OGFOD3: variants seen among roughly 807,000 people sequenced by gnomAD.
OGFOD3 encodes the protein 2-oxoglutarate and iron-dependent oxygenase domain-containing protein 3.
Under a neutral mutation model 39.8 loss-of-function variants are expected in OGFOD3, and 35 were observed. The ratio of observed to expected loss-of-function variants is 0.88; its 90% CI spans 0.67 to 1.17. The LOEUF is 1.17. OGFOD3 is among the 50% of genes most tolerant of loss of function. OGFOD3 has a pLI of 0.00. For synonymous variants in OGFOD3, 200 were observed against 192.0 expected (o/e 1.04, Z -0.34); for missense variants, 438 against 454.5 (o/e 0.96, Z 0.33).
rs1003623877 is a variant in OGFOD3 at position 82,389,371 on chromosome 17, A to G, written c.*3027T>C. 13 of 152,238 alleles carry G rather than the reference A, an allele frequency of 8.5e-5. No homozygotes were observed. Among genetic ancestry groups the G allele is most frequent in the African/African-American group, 3.1e-4 (13 of 41,458 alleles). The allele number at this position is 152,238 out of a possible 1,614,324, so 9.4% of individuals were successfully genotyped here. A position where few individuals can be genotyped will look rare whatever the true frequency, so the allele number is the denominator to read the frequency against. On this transcript the variant is annotated 3_prime_UTR_variant, in exon 9 of 9. Coordinates refer to ENST00000313056, the MANE Select transcript of OGFOD3 (RefSeq NM_024648.3). The surrounding 1 kb of genome is among the most constrained non-coding windows in gnomAD (Gnocchi z 4.6). ...AATCACCCCTCGTGGCTCCTGGAAC[A>G]GCCTCACGTCGGCCACACCCGACAC...
At chr17:82,402,401 C>A (rs2052781176) in intron 7 of OGFOD3, among the ~76,000 whole-genome samples, 1 of 150,414 alleles carries the variant, frequency 6.6e-6, no homozygotes, top group Non-Finnish European at 1.5e-5. Context: ...CACAACTGCA[C>A]TCCAACCTGG....
At chr17:82,400,291 C>T (rs1368075268) in intron 7 of OGFOD3, among the ~76,000 whole-genome samples, 3 of 152,026 alleles carry the variant, frequency 2.0e-5, no homozygotes, top group African/African-American at 4.8e-5. Flanking sequence ...AGATGCCCCC[C>T]GGAGTCCCCC....
intron 2 of OGFOD3, among the ~76,000 whole-genome samples, chr17:82,412,794 C>T (rs533193602): frequency 6.6e-6 from 1 of 152,310 alleles, no homozygotes; most frequent in South Asian, 2.1e-4. Context: ...GACAGCAGCC[C>T]ACAAGCACCA....
rs200183299 is a variant in OGFOD3 at position 82,403,921 on chromosome 17, C to T, written c.699+16G>A. On this transcript the variant is annotated intron_variant, in intron 7 of 8. Coordinates refer to ENST00000313056, the MANE Select transcript of OGFOD3 (RefSeq NM_024648.3). ...TTGTCCACGGGCACGCTCACCCTGC[C>T]CACGGGCGCGCTCACCTTGTCCACG... 2.1e-5 allele frequency: 33 copies of T among 1,593,672 alleles called. No homozygotes were observed. The highest frequency in any genetic ancestry group is 2.6e-5 in the Non-Finnish European group (30 of 1,173,858).
In OGFOD3 at chr17:82,390,753, G is replaced by A. The variant is rs534006151; in HGVS notation, c.*1645C>T. 73 of 174,602 alleles carry A rather than the reference G, an allele frequency of 4.2e-4. 1 individual carries two copies. In the South Asian group the frequency reaches 4.7e-3, roughly 11 times the overall value. The allele number at this position is 174,602 out of a possible 1,614,324, so 10.8% of individuals were successfully genotyped here. A position where few individuals can be genotyped will look rare whatever the true frequency, so the allele number is the denominator to read the frequency against. On this transcript the variant is annotated 3_prime_UTR_variant, in exon 9 of 9. Transcript: ENST00000313056. This position sits in a 1 kb window ranked among gnomAD's most constrained non-coding sequence, Gnocchi z 4.9. ...GTCACCATGCCTCAGCTGGCCTCAC[G>A]CCCGCTCCTTCCCAGGGGTCACCAT...
intron 2 of OGFOD3, among the ~76,000 whole-genome samples, chr17:82,412,999 T>C (rs1382566827): frequency 6.6e-6 from 1 of 152,174 alleles, no homozygotes; most frequent in Non-Finnish European, 1.5e-5. Flanking sequence ...TGACCTTGGT[T>C]CCTTTCTCTG....
intron 2 of OGFOD3, among the ~76,000 whole-genome samples, chr17:82,412,236 G>A (rs2052959753): frequency 6.6e-6 from 1 of 152,018 alleles, no homozygotes; most frequent in South Asian, 2.1e-4. Context: ...TGCGGAGGCT[G>A]AGAGGGAAGA....
chr17:82,394,638 T>G, intron 8 of OGFOD3: 1 of 990,672 alleles, frequency 1.0e-6, no homozygotes, highest in South Asian at 1.8e-5. Context: ...GCCTGGCCTT[T>G]GCCCCGGCTC....
At position 82,406,372 on chromosome 17, in the gene OGFOD3, C is replaced by T; in HGVS notation, c.488+46G>A. The T allele has an allele frequency of 1.3e-6, 2 of 1,556,244 alleles. No homozygotes were observed. The highest frequency in any genetic ancestry group is 1.8e-6 in the Non-Finnish European group (2 of 1,128,030). On this transcript the variant is annotated intron_variant, in intron 5 of 8. Transcript: ENST00000313056. This position sits in a 1 kb window ranked among gnomAD's most constrained non-coding sequence, Gnocchi z 5.2. ...CATGGCTAAGAGGCACGGAGCCGCT[C>T]ACTCGGCTTTCAGAGCCAGCACTGA...
At chr17:82,405,177 C>G in intron 6 of OGFOD3, 147 bp downstream of exon 6, 1 of 675,400 alleles carries the variant, frequency 1.5e-6, no homozygotes, top group South Asian at 1.8e-5. Flanking sequence ...CTGCCCCGGC[C>G]TTTGCTCCAT....
chr17:82,409,300 C>G, intron 4 of OGFOD3, 68 bp downstream of exon 4: 3 of 1,530,942 alleles, frequency 2.0e-6, no homozygotes, highest in Non-Finnish European at 2.7e-6. Flanking sequence ...TGTGCCTTCC[C>G]CTTCCCATCC....
chr17:82,392,992 C>T lies in OGFOD3; in HGVS notation c.824-458G>A, dbSNP rs891484128. ...AAGAATCAGGAAAGACAAGATAAAA[C>T]ATCCAACTCGCAAACACCTCTCTGT... On this transcript the variant is annotated intron_variant, in intron 8 of 8. Coordinates refer to ENST00000313056, the MANE Select transcript of OGFOD3 (RefSeq NM_024648.3). The surrounding 1 kb of genome is among the most constrained non-coding windows in gnomAD (Gnocchi z 4.2). The T allele has an allele frequency of 1.3e-5, 2 of 157,274 alleles. No individual in the cohort carries two copies. Among genetic ancestry groups the T allele is most frequent in the South Asian group, 3.9e-4 (2 of 5,124 alleles). 9.7% of individuals were successfully genotyped at this position (157,274 alleles called of 1,614,324 possible). A position where few individuals can be genotyped will look rare whatever the true frequency, so the allele number is the denominator to read the frequency against.
Position 82,404,980 on chromosome 17 carries a change from A to C in OGFOD3, c.545+344T>G, listed in dbSNP as rs1017669496. On this transcript the variant is annotated intron_variant, in intron 6 of 8. Transcript: ENST00000313056. This position sits in a 1 kb window ranked among gnomAD's most constrained non-coding sequence, Gnocchi z 4.5. ...GGTCTCGAACTCCTGACCTCAGGTG[A>C]TCCACCCGCCTCGCCTCCCAAAGTG... Among the ~76,000 whole-genome samples the C allele has an allele frequency of 2.0e-5, 3 of 152,022 alleles. No individual in the cohort carries two copies. Among genetic ancestry groups the C allele is most frequent in the African/African-American group, 7.2e-5 (3 of 41,396 alleles).
intron 7 of OGFOD3, among the ~76,000 whole-genome samples, chr17:82,403,274 A>G (rs1001583489): frequency 7.9e-5 from 12 of 152,080 alleles, no homozygotes; most frequent in Non-Finnish European, 1.5e-4. Flanking sequence ...GAGAAATTTT[A>G]TTTCTCCAAC....
intron 1 of OGFOD3, among the ~76,000 whole-genome samples, chr17:82,416,133 G>A (rs1435193815): frequency 6.6e-6 from 1 of 152,158 alleles, no homozygotes; most frequent in Non-Finnish European, 1.5e-5. Context: ...CTACTCAAGA[G>A]GCTGAGGCAG....
At chr17:82,416,662 T>A (rs1429070066) in intron 1 of OGFOD3, among the ~76,000 whole-genome samples, 4 of 136,932 alleles carry the variant, frequency 2.9e-5, no homozygotes, top group Non-Finnish European at 6.1e-5. Flanking sequence ...TTTATTTTTT[T>A]ATTTTTATTT....
At chr17:82,409,281 C>T in intron 4 of OGFOD3, 87 bp downstream of exon 4, 1 of 1,404,674 alleles carries the variant, frequency 7.1e-7, no homozygotes, top group Non-Finnish European at 1.0e-6. Context: ...GCAGGGAACC[C>T]TGCATGTCTG....
At position 82,406,517 on chromosome 17, in the gene OGFOD3, G is replaced by A. The variant is rs375598206; in HGVS notation, c.424-35C>T. The A allele has an allele frequency of 7.0e-6, 11 of 1,566,354 alleles. No homozygotes were observed. Among genetic ancestry groups the A allele is most frequent in the South Asian group, 4.4e-5 (4 of 90,016 alleles). ...ACGTTGTGGAGTAAAGCGTGCAGCC[G>A]CAGCAATGGCAATGGCTGTTAAAAG... is the stretch of plus-strand genomic sequence containing the variant. On this transcript the variant is annotated intron_variant, in intron 4 of 8. Transcript: ENST00000313056. This position sits in a 1 kb window ranked among gnomAD's most constrained non-coding sequence, Gnocchi z 5.2.
chr17:82,404,320 G>C lies in OGFOD3; in HGVS notation c.546-230C>G, dbSNP rs894738451. On this transcript the variant is annotated intron_variant, in intron 6 of 8. Coordinates refer to ENST00000313056, the MANE Select transcript of OGFOD3 (RefSeq NM_024648.3). The surrounding 1 kb of genome is among the most constrained non-coding windows in gnomAD (Gnocchi z 4.5). ...GGCGCAAGACCACAGCAGCAGGACT[G>C]GGGAGGCAGAAGGGGGCCTGCAGGA... Among the ~76,000 whole-genome samples the C allele has an allele frequency of 6.6e-6, 1 of 152,212 alleles. No homozygotes were observed. Among genetic ancestry groups the C allele is most frequent in the Non-Finnish European group, 1.5e-5 (1 of 68,036 alleles).
Sources: allele counts gnomAD v4.1 joint callset (sites outside exome capture counted in the v4.1 genomes callset), GRCh38; gene constraint gnomAD v4.1.1; non-coding constraint Gnocchi (gnomAD v3.1); transcripts MANE v1.5; gene names NCBI Gene and HGNC (gene_info 2026-07-23, HGNC 2026-07-21).